The following PTPRZ1 variants were observed in gnomAD, a reference collection of about 807,000 sequenced individuals.
PTPRZ1 encodes protein tyrosine phosphatase receptor type Z1, also known as receptor-type tyrosine-protein phosphatase zeta.
PTPRZ1 carries 82 observed loss-of-function variants against 214.1 expected under a neutral mutation model. That is an observed-to-expected ratio of 0.38 (90% confidence interval 0.32 to 0.46). The LOEUF is 0.46. Among genes scored for constraint, PTPRZ1 ranks in the 20% least tolerant of loss-of-function variants. The pLI, the probability that PTPRZ1 is intolerant of heterozygous loss-of-function variation, is 1.00. For synonymous variants in PTPRZ1, 945 were observed against 987.9 expected, an observed-to-expected ratio of 0.96 and a Z score of 0.81; for missense variants, 2,603 against 2,748.7, an observed-to-expected ratio of 0.95 and a Z score of 1.19.
At chr7:121,919,223 A>C (rs919826869) in intron 1 of PTPRZ1, among the ~76,000 whole-genome samples, 3 of 152,020 alleles carry the variant, frequency 2.0e-5, no homozygotes, top group Non-Finnish European at 2.9e-5. Flanking sequence ...ACCTTTGACA[A>C]CTGGTTAGCT....
intron 8 of PTPRZ1, among the ~76,000 whole-genome samples, chr7:121,990,512 CTTTTTTTTTTTT>C (rs758696565): frequency 1.6e-4 from 12 of 73,468 alleles, no homozygotes; most frequent in South Asian, 6.1e-4. Context: ...TGAAAACTGT[CTTTTTTTTTTTT>C]TTTTTTTTTT....
Position 121,878,564 on chromosome 7 carries a change from G to T in PTPRZ1, c.58+5007G>T, listed in dbSNP as rs570799630. 3.3e-5 allele frequency among the ~76,000 whole-genome samples: 5 copies of T among 152,296 alleles called. No homozygotes were observed. The East Asian group carries it at 9.7e-4, about 29-fold the overall frequency. Reference sequence around the variant, plus strand: ...GTGAAAAGAGTTCAGTGGCCACTTTGTAGCCTTTATGGACTGAGGTTGAAC... The same window carrying T: ...GTGAAAAGAGTTCAGTGGCCACTTTTTAGCCTTTATGGACTGAGGTTGAAC... On this transcript the variant is annotated intron_variant, in intron 1 of 29. Transcript: ENST00000393386.
chr7:121,902,192 C>A (rs888864232), intron 1 of PTPRZ1, among the ~76,000 whole-genome samples: 3 of 152,120 alleles, frequency 2.0e-5, no homozygotes, highest in Non-Finnish European at 4.4e-5. Context: ...GTATTTCATT[C>A]TTTTATGGTT....
rs776336963 is a variant in PTPRZ1, at chr7:121,996,537, G to A, written c.1084G>A (p.Glu362Lys). The A allele has an allele frequency of 1.9e-6, 3 of 1,611,044 alleles. No homozygotes were observed. The African/African-American group carries it at 4.0e-5, about 22-fold the overall frequency. The stretch of plus-strand genomic sequence containing the variant: ...GGATGGAGAGGACCAAACCAAGCAT[G>A]AATTTTTGACAGATGGCTATCAAGA... ...QLDGEDQTKH[E>K]FLTDGYQDLG... The change falls in exon 9 of 30, where the codon GAA (glutamate) becomes AAA (lysine). Residue 362 changes from glutamate to lysine, a missense_variant. Around this residue, in one of 6 missense-constraint regions of PTPRZ1, gnomAD observed 244 missense variants for 333.2 expected, o/e 0.73. Coordinates refer to ENST00000393386, the MANE Select transcript of PTPRZ1 (RefSeq NM_002851.3).
At chr7:121,958,170 T>A (rs1265833605) in intron 2 of PTPRZ1, among the ~76,000 whole-genome samples, 1 of 152,244 alleles carries the variant, frequency 6.6e-6, no homozygotes. Flanking sequence ...ACTGGTTCCC[T>A]CTAATTCACT....
chr7:121,918,502 T>G (rs1442424379), intron 1 of PTPRZ1, among the ~76,000 whole-genome samples: 2 of 152,264 alleles, frequency 1.3e-5, no homozygotes, highest in African/African-American at 4.8e-5. Flanking sequence ...TTCATAAGCT[T>G]AACTTTAAAA....
intron 10 of PTPRZ1, among the ~76,000 whole-genome samples, chr7:122,001,494 G>C (rs1406868238): frequency 6.6e-6 from 1 of 152,166 alleles, no homozygotes; most frequent in Non-Finnish European, 1.5e-5. Flanking sequence ...TGTGCTTTCA[G>C]TTGTATAACA....
At chr7:121,958,968 T>C (rs1796792130) in intron 2 of PTPRZ1, among the ~76,000 whole-genome samples, 1 of 152,016 alleles carries the variant, frequency 6.6e-6, no homozygotes, top group Non-Finnish European at 1.5e-5. Flanking sequence ...GGACTACAGG[T>C]GCCCACCACC....
At chr7:121,877,323 G>C (rs1794092282) in intron 1 of PTPRZ1, among the ~76,000 whole-genome samples, 1 of 152,040 alleles carries the variant, frequency 6.6e-6, no homozygotes. Flanking sequence ...TCATTCCCAG[G>C]ATCAATTTGC....
chr7:121,967,904 GC>G (rs770990753), intron 2 of PTPRZ1, 46 bp from the exon 3 acceptor site: 1 of 1,348,784 alleles, frequency 7.4e-7, no homozygotes, highest in Admixed American at 2.3e-5. Context: ...TTTAATTTTT[GC>G]ATGGTAATTT....
intron 6 of PTPRZ1, among the ~76,000 whole-genome samples, chr7:121,983,443 A>G (rs1437898327): frequency 1.3e-5 from 2 of 152,234 alleles, no homozygotes; most frequent in Admixed American, 6.5e-5. Context: ...TCTGTTCACC[A>G]TCTTGATGTA....
intron 23 of PTPRZ1, among the ~76,000 whole-genome samples, chr7:122,045,294 T>C (rs1015834293): frequency 6.6e-6 from 1 of 152,080 alleles, no homozygotes; most frequent in African/African-American, 2.4e-5. Context: ...CCTGGAGAAA[T>C]AGGGCCAAAT....
chr7:121,938,753 G>T (rs1796160976), intron 2 of PTPRZ1, among the ~76,000 whole-genome samples: 1 of 151,718 alleles, frequency 6.6e-6, no homozygotes, highest in Non-Finnish European at 1.5e-5. Context: ...CGGGGTGGGG[G>T]TGGAGAGAAA....
chr7:121,899,531 T>C (rs1339427291), intron 1 of PTPRZ1, among the ~76,000 whole-genome samples: 1 of 152,192 alleles, frequency 6.6e-6, no homozygotes, highest in East Asian at 1.9e-4. Flanking sequence ...AGAATGGTAT[T>C]GTAGGGACAT....
chr7:122,058,916 G>C lies in PTPRZ1; in HGVS notation c.6645G>C (p.Arg2215Ser). Residue 2215 changes from arginine (R) to serine (S), a missense_variant, in exon 28 of 30, where the codon AGG (arginine) becomes AGC (serine). Physicochemically the swap from Arg to Ser is moderately radical, Grantham distance 110. This residue lies in a region of PTPRZ1 where 165 missense variants were observed against 151.4 expected (regional missense o/e 1.09). Transcript: ENST00000393386. ...TTATAAAAGAAGAAGCTGCCAATAG[G>C]GATGGGCCTATGATTGTTCATGATG... ...ISVIKEEAAN[R>S]DGPMIVHDEH... 2 of 1,590,934 alleles carry C rather than the reference G, an allele frequency of 1.3e-6. No individual in the cohort carries two copies. Among genetic ancestry groups the C allele is most frequent in the Non-Finnish European group, 1.7e-6 (2 of 1,159,322 alleles).
chr7:121,890,905 T>G (rs924600076), intron 1 of PTPRZ1, among the ~76,000 whole-genome samples: 1 of 151,976 alleles, frequency 6.6e-6, no homozygotes, highest in Non-Finnish European at 1.5e-5. Context: ...CTTGACTTCC[T>G]GGACTCAAGT....
At chr7:121,985,150 A>ATTTACTAT (rs1797728178) in intron 8 of PTPRZ1, among the ~76,000 whole-genome samples, 1 of 152,212 alleles carries the variant, frequency 6.6e-6, no homozygotes, top group African/African-American at 2.4e-5. Context: ...AGTGATGAAT[A>ATTTACTAT]GCTATATTTA....
At position 121,915,615 on chromosome 7, in the gene PTPRZ1, G is replaced by A. The variant is rs573339209; in HGVS notation, c.59-12541G>A. The stretch of plus-strand genomic sequence containing the variant: ...GGCATTATACTCTGGTTTGTGATCC[G>A]CTTGAACACAAAATGCATATTATGT... On this transcript the variant is annotated intron_variant, in intron 1 of 29. Coordinates refer to ENST00000393386, the MANE Select transcript of PTPRZ1 (RefSeq NM_002851.3). Among the ~76,000 whole-genome samples, 5 of 152,212 alleles carry A rather than the reference G, an allele frequency of 3.3e-5. No homozygotes were observed. The South Asian group carries it at 8.3e-4, about 25-fold the overall frequency.
At position 122,023,843 on chromosome 7, in the gene PTPRZ1, A is replaced by ATATTATATGTATAATTT. The variant is rs1799123606; in HGVS notation, c.4988+4578_4988+4579insTATATGTATAATTTTAT. Among the ~76,000 whole-genome samples, 7 of 77,648 alleles carry ATATTATATGTATAATTT rather than the reference A, an allele frequency of 9.0e-5. No homozygotes were observed. In the South Asian group the frequency reaches 1.1e-3, roughly 13 times the overall value. 50.9% of individuals were successfully genotyped at this position (77,648 alleles called of 152,430 possible). A position where few individuals can be genotyped will look rare whatever the true frequency, so the allele number is the denominator to read the frequency against. ...TATGTATAATTTTATATATAATTAT[A>ATATTATATGTATAATTT]TATATATAAAAAAAAAAAAGATTGT... On this transcript the variant is annotated intron_variant, in intron 13 of 29. Transcript: ENST00000393386.
Sources: gnomAD v4.1 joint callset for allele counts (sites outside exome capture counted in the v4.1 genomes callset) on GRCh38, gnomAD v4.1.1 for gene constraint, gnomAD v4.1.1 regional missense constraint, MANE v1.5 for transcripts, NCBI Gene and HGNC (gene_info 2026-07-23, HGNC 2026-07-21) for gene names.